Variants in JAZF1 observed in about 807,000 individuals in gnomAD.
JAZF1 encodes juxtaposed with another zinc finger protein 1.
In JAZF1, 8 loss-of-function variants were observed where a neutral mutation model predicts 26.4. That is an observed-to-expected ratio of 0.30 (90% confidence interval 0.18 to 0.55). JAZF1 has a LOEUF of 0.55. Among genes scored for constraint, JAZF1 ranks in the 20% least tolerant of loss-of-function variants. The pLI is 0.94. For missense variants in JAZF1, 199 were observed against 322.0 expected (o/e 0.62, Z 2.92); for synonymous variants, 126 against 122.3 (o/e 1.03, Z -0.20).
intron 2 of JAZF1, among the ~76,000 whole-genome samples, chr7:27,925,138 T>G (rs1784588057): frequency 6.6e-6 from 1 of 152,172 alleles, no homozygotes; most frequent in African/African-American, 2.4e-5. Flanking sequence ...TCACTAAGGG[T>G]GGTAACTATC....
At chr7:27,974,028 T>C (rs1398217451) in intron 2 of JAZF1, among the ~76,000 whole-genome samples, 1 of 152,066 alleles carries the variant, frequency 6.6e-6, no homozygotes, top group African/African-American at 2.4e-5. Flanking sequence ...GGAGATGAGA[T>C]GGTTGGAATA....
chr7:28,042,740 C>G (rs920623701), intron 1 of JAZF1, among the ~76,000 whole-genome samples: 5 of 152,088 alleles, frequency 3.3e-5, no homozygotes, highest in African/African-American at 1.2e-4. Context: ...TACACAAATA[C>G]CATTGTGTTA....
chr7:28,001,613 G>GA (rs573944507), intron 1 of JAZF1, among the ~76,000 whole-genome samples: 12 of 152,200 alleles, frequency 7.9e-5, no homozygotes, highest in Non-Finnish European at 1.5e-4. Context: ...GTATTTAATA[G>GA]AAAGGAGCAG....
chr7:28,121,335 G>A (rs78116567), intron 1 of JAZF1, among the ~76,000 whole-genome samples: 6,427 of 152,198 alleles, frequency 0.042, 391 homozygotes, highest in African/African-American at 0.14. Flanking sequence ...CTCAGCTAGA[G>A]GTAGAATGGG....
At chr7:28,071,190 GTAGC>G (rs1783969722) in intron 1 of JAZF1, among the ~76,000 whole-genome samples, 1 of 152,198 alleles carries the variant, frequency 6.6e-6, no homozygotes, top group Non-Finnish European at 1.5e-5. Flanking sequence ...CCAACTAGGT[GTAGC>G]CGGAAGCCAG....
chr7:27,914,562 T>G (rs1192646426), intron 2 of JAZF1, among the ~76,000 whole-genome samples: 2 of 152,164 alleles, frequency 1.3e-5, no homozygotes, highest in Non-Finnish European at 2.9e-5. Context: ...TTCTCATGCC[T>G]TCAGCAGGAC....
chr7:27,902,235 T>C (rs1264114114), intron 2 of JAZF1, among the ~76,000 whole-genome samples: 11 of 152,262 alleles, frequency 7.2e-5, no homozygotes, highest in Admixed American at 7.2e-4. Context: ...ATATTATCTT[T>C]ATGAAATCTA....
At chr7:28,145,764 G>GTGCTTC (rs1359733850) in intron 1 of JAZF1, among the ~76,000 whole-genome samples, 2 of 151,178 alleles carry the variant, frequency 1.3e-5, no homozygotes, top group African/African-American at 4.9e-5. Context: ...ACGTTCCCTT[G>GTGCTTC]TGCTTCTTCG....
chr7:28,110,126 T>C (rs917548542), intron 1 of JAZF1, among the ~76,000 whole-genome samples: 3 of 152,014 alleles, frequency 2.0e-5, no homozygotes, highest in African/African-American at 7.2e-5. Context: ...CTGAAAAGAA[T>C]TATAATTAGA....
At chr7:27,916,282 G>A (rs1024970735) in intron 2 of JAZF1, among the ~76,000 whole-genome samples, 3 of 151,906 alleles carry the variant, frequency 2.0e-5, no homozygotes, top group African/African-American at 7.3e-5. Context: ...ATGTAAAAGG[G>A]ATCAGTGGAA....
chr7:27,970,970 A>G (rs932588122), intron 2 of JAZF1, among the ~76,000 whole-genome samples: 4 of 152,242 alleles, frequency 2.6e-5, no homozygotes, highest in Non-Finnish European at 4.4e-5. Context: ...GCTAAGAGCT[A>G]TGATGCATGG....
intron 2 of JAZF1, among the ~76,000 whole-genome samples, chr7:27,904,160 A>G (rs548482459): frequency 3.9e-5 from 6 of 152,370 alleles, no homozygotes; most frequent in African/African-American, 1.4e-4. Context: ...AAAACAGTGC[A>G]TGGCACATTT....
chr7:28,154,305 C>T (rs184430799), intron 1 of JAZF1, among the ~76,000 whole-genome samples: 40 of 152,306 alleles, frequency 2.6e-4, no homozygotes, highest in Non-Finnish European at 5.1e-4. Flanking sequence ...TTAGTGATCA[C>T]AATGTTCAAG....
chr7:28,071,601 T>C (rs890246474), intron 1 of JAZF1: 4 of 471,782 alleles, frequency 8.5e-6, no homozygotes, highest in African/African-American at 4.0e-5. Flanking sequence ...AAGATTTCAG[T>C]GAAACCTTTC....
chr7:28,135,298 C>A (rs1165147167), intron 1 of JAZF1, among the ~76,000 whole-genome samples: 3 of 152,192 alleles, frequency 2.0e-5, no homozygotes, highest in Non-Finnish European at 4.4e-5. Flanking sequence ...AACAAGCAGG[C>A]TGTGTTGCTA....
At chr7:27,835,057 C>T (rs1240287043) in intron 4 of JAZF1, among the ~76,000 whole-genome samples, 2 of 152,126 alleles carry the variant, frequency 1.3e-5, no homozygotes, top group African/African-American at 2.4e-5. Flanking sequence ...GGTCCTTTTC[C>T]GTGGATGAAG....
intron 2 of JAZF1, among the ~76,000 whole-genome samples, chr7:27,990,304 G>A (rs1785874000): frequency 6.6e-6 from 1 of 152,106 alleles, no homozygotes; most frequent in South Asian, 2.1e-4. Context: ...GGAGGTGAGA[G>A]GGATAGCATT....
intron 3 of JAZF1, among the ~76,000 whole-genome samples, chr7:27,867,678 G>C (rs747466804): frequency 9.9e-5 from 15 of 152,180 alleles, no homozygotes; most frequent in Non-Finnish European, 2.1e-4. Context: ...AAACTGCAAG[G>C]GCAAGAATTT....
chr7:27,945,648 C>T (rs953563432), intron 2 of JAZF1, among the ~76,000 whole-genome samples: 12 of 152,230 alleles, frequency 7.9e-5, no homozygotes, highest in African/African-American at 2.4e-4. Flanking sequence ...CCAGCTGCAT[C>T]GGCATTGCCT....
Sources: allele counts gnomAD v4.1 joint callset (sites outside exome capture counted in the v4.1 genomes callset), GRCh38; gene constraint gnomAD v4.1.1; transcripts MANE v1.5; gene names NCBI Gene and HGNC (gene_info 2026-07-23, HGNC 2026-07-21).